Variants in DNAJB5 observed in about 807,000 individuals in gnomAD.
DNAJB5 encodes the protein DnaJ heat shock protein family (Hsp40) member B5, also known as dnaJ homolog subfamily B member 5.
Under a neutral mutation model 32.6 loss-of-function variants are expected in DNAJB5, and 12 were observed. The observed-to-expected ratio is 0.37, with a 90% CI of 0.24 to 0.60. The LOEUF (loss-of-function observed/expected upper bound fraction) is 0.60. Among genes scored for constraint, DNAJB5 ranks in the 20% least tolerant of loss-of-function variants. The pLI is 0.71. For synonymous variants in DNAJB5, 188 were observed against 212.9 expected (o/e 0.88, Z 1.02); for missense variants, 358 against 554.2 (o/e 0.65, Z 3.55).
At chr9:34,994,564 G>A (rs1827740954) in intron 3 of DNAJB5, among the ~76,000 whole-genome samples, 1 of 152,206 alleles carries the variant, frequency 6.6e-6, no homozygotes, top group South Asian at 2.1e-4. Context: ...AGGGATAGGA[G>A]TGGAAAAGAG....
chr9:34,996,808 C>A lies in DNAJB5; in HGVS notation c.971C>A (p.Ala324Glu). The A allele has an allele frequency of 6.2e-7, 1 of 1,613,820 alleles. No individual in the cohort carries two copies. The highest frequency in any genetic ancestry group is 8.5e-7 in the Non-Finnish European group (1 of 1,179,984). Residue 324 changes from alanine to glutamate, a missense_variant, in exon 4 of 5, where the codon GCA becomes GAA. Physicochemically the swap from Ala to Glu is moderately radical, Grantham distance 107 (BLOSUM62 -1). Transcript: ENST00000682809. The surrounding 1 kb of genome is among the most constrained non-coding windows in gnomAD (Gnocchi z 7.2). ...IVFVLKDKPH[A>E]HFRRDGTNVL... is the part of the protein sequence containing the mutation. ...TTTGTGCTCAAAGACAAGCCCCATGCACACTTCCGCCGAGATGGCACCAAC... is the reference window on the plus strand; with the variant it reads ...TTTGTGCTCAAAGACAAGCCCCATGAACACTTCCGCCGAGATGGCACCAAC...
Position 34,990,448 on chromosome 9 carries a change from G to C in DNAJB5, c.-132-51G>C, listed in dbSNP as rs577906199. ...GCCAGCCAGACACTGCTGCACCTGA[G>C]AGCAGGTGGCCGCGGGTCTTCTCCC... On this transcript the variant is annotated intron_variant, in intron 1 of 4. Transcript: ENST00000682809. This position sits in a 1 kb window ranked among gnomAD's most constrained non-coding sequence, Gnocchi z 4.5. 2.6e-5 allele frequency: 40 copies of C among 1,534,206 alleles called. No individual in the cohort carries two copies. The African/African-American group carries it at 4.7e-4, about 18-fold the overall frequency.
chr9:34,997,407 G>C lies in DNAJB5; in HGVS notation c.*148G>C, dbSNP rs1411386666. 26 of 911,150 alleles carry C rather than the reference G, an allele frequency of 2.9e-5. No homozygotes were observed. Among genetic ancestry groups the C allele is most frequent in the Non-Finnish European group, 4.5e-5 (26 of 572,564 alleles). The allele number at this position is 911,150 out of a possible 1,614,324, so 56.4% of individuals were successfully genotyped here. A position where few individuals can be genotyped will look rare whatever the true frequency, so the allele number is the denominator to read the frequency against. On this transcript the variant is annotated 3_prime_UTR_variant, in exon 5 of 5. Transcript: ENST00000682809. This position sits in a 1 kb window ranked among gnomAD's most constrained non-coding sequence, Gnocchi z 4.1. ...CACTGGTTTTCAGGAAAATGTTCCTGTCCCTGACCCCTTTTAGAGCTGGGC... is the reference window on the plus strand; with the variant it reads ...CACTGGTTTTCAGGAAAATGTTCCTCTCCCTGACCCCTTTTAGAGCTGGGC...
rs903008574 is a variant in DNAJB5, at chr9:34,990,747, G to T, written c.117G>T (p.Met39Ile). ...GAGAAGACTTCTTAGCCAGCTTGAT[G>T]TTTAAAATTCAGCTGGAGCCCTTAA... is the stretch of plus-strand genomic sequence containing the variant. ...SWGEDFLASLMFKIQLEPLKL... is the reference protein window; with the variant it reads ...SWGEDFLASLIFKIQLEPLKL... The change falls in exon 2 of 5, where the codon ATG becomes ATT. Residue 39 changes from methionine (M) to isoleucine (I), a missense_variant. This residue lies in a region of DNAJB5 where 110 missense variants were observed against 111.7 expected (regional missense o/e 0.99). Coordinates refer to ENST00000682809, the MANE Select transcript of DNAJB5 (RefSeq NM_001349723.3). The surrounding 1 kb of genome is among the most constrained non-coding windows in gnomAD (Gnocchi z 4.5). The T allele has an allele frequency of 2.8e-5, 43 of 1,551,742 alleles. No individual in the cohort carries two copies. The highest frequency in any genetic ancestry group is 3.7e-5 in the Non-Finnish European group (43 of 1,147,006).
intron 2 of DNAJB5, chr9:34,991,070 A>C: frequency 1.1e-5 from 6 of 527,148 alleles, no homozygotes; most frequent in East Asian, 3.4e-5. Flanking sequence ...CTTTCAACCC[A>C]TCATTAACCC....
At chr9:34,991,254 G>C (rs186814071) in intron 2 of DNAJB5, 35 of 456,304 alleles carry the variant, frequency 7.7e-5, no homozygotes, top group Admixed American at 6.8e-4. Context: ...ATCAAAGGCA[G>C]TGCCATGCCA....
Position 34,990,079 on chromosome 9 carries a change from T to C in DNAJB5, c.-133+248T>C, listed in dbSNP as rs953638058. On this transcript the variant is annotated intron_variant, in intron 1 of 4. Transcript: ENST00000682809. The surrounding 1 kb of genome is among the most constrained non-coding windows in gnomAD (Gnocchi z 4.5). ...AGTCGGACCGGACCAGATTGGGTTC[T>C]GTGGGGCGGAGGCATCTGTGAGCAG... The C allele has an allele frequency of 1.7e-5, 12 of 713,494 alleles. No homozygotes were observed. Among genetic ancestry groups the C allele is most frequent in the South Asian group, 1.2e-4 (6 of 52,070 alleles). The allele number at this position is 713,494 out of a possible 1,614,324, so 44.2% of individuals were successfully genotyped here.
Position 34,993,530 on chromosome 9 carries a change from G to C in DNAJB5, c.427+86G>C, listed in dbSNP as rs1228349242. The C allele has an allele frequency of 3.3e-6, 5 of 1,516,420 alleles. No individual in the cohort carries two copies. The highest frequency in any genetic ancestry group is 1.4e-5 in the African/African-American group (1 of 71,504). 93.9% of individuals were successfully genotyped at this position (1,516,420 alleles called of 1,614,324 possible). On this transcript the variant is annotated intron_variant, in intron 3 of 4. Coordinates refer to ENST00000682809, the MANE Select transcript of DNAJB5 (RefSeq NM_001349723.3). This position sits in a 1 kb window ranked among gnomAD's most constrained non-coding sequence, Gnocchi z 4.7. ...CACCAGTTTGTGTAGCGGGGAACTGGAGGCTGTGGAGGGGGTGAGGGCAGC... is the reference window on the plus strand; with the variant it reads ...CACCAGTTTGTGTAGCGGGGAACTGCAGGCTGTGGAGGGGGTGAGGGCAGC...
rs370890941 is a variant in DNAJB5, at chr9:34,996,806, T to C, written c.969T>C (p.His323=). 3.7e-6 allele frequency: 6 copies of C among 1,613,900 alleles called. No individual in the cohort carries two copies. Among genetic ancestry groups the C allele is most frequent in the Non-Finnish European group, 5.1e-6 (6 of 1,180,008 alleles). ...DIVFVLKDKP[H]AHFRRDGTNV... ...TCTTTGTGCTCAAAGACAAGCCCCA[T>C]GCACACTTCCGCCGAGATGGCACCA... is the stretch of plus-strand genomic sequence containing the variant. Residue 323 remains histidine (H), a synonymous_variant, in exon 4 of 5, where the codon CAT becomes CAC. Transcript: ENST00000682809. This position sits in a 1 kb window ranked among gnomAD's most constrained non-coding sequence, Gnocchi z 7.2.
chr9:34,992,997 A>C, intron 2 of DNAJB5: 1 of 1,411,606 alleles, frequency 7.1e-7, no homozygotes, highest in Non-Finnish European at 9.2e-7. Context: ...GTGAGGACGG[A>C]ATCACAGAAT....
At chr9:34,992,788 TAGG>T (rs1274020628) in intron 2 of DNAJB5, 29 of 1,019,850 alleles carry the variant, frequency 2.8e-5, no homozygotes, top group Non-Finnish European at 2.9e-5. Flanking sequence ...AGGCGTGGCG[TAGG>T]AGACCACGAT....
rs1827610852 is a variant in DNAJB5, at chr9:34,990,930, A to G, written c.182+118A>G. ...CATCCTCATCCCCTCTGTGACATACAGGAACCCCCCTCCGGCCTCACCCAC... is the reference window on the plus strand; with the variant it reads ...CATCCTCATCCCCTCTGTGACATACGGGAACCCCCCTCCGGCCTCACCCAC... On this transcript the variant is annotated intron_variant, in intron 2 of 4. Coordinates refer to ENST00000682809, the MANE Select transcript of DNAJB5 (RefSeq NM_001349723.3). The surrounding 1 kb of genome is among the most constrained non-coding windows in gnomAD (Gnocchi z 4.5). The G allele has an allele frequency of 1.1e-5, 12 of 1,076,086 alleles. No homozygotes were observed. The South Asian group carries it at 1.6e-4, about 15-fold the overall frequency. The allele number at this position is 1,076,086 out of a possible 1,614,324, so 66.7% of individuals were successfully genotyped here.
At position 34,996,404 on chromosome 9, in the gene DNAJB5, C is replaced by G. The variant is rs1563951606; in HGVS notation, c.567C>G (p.Ser189=). The G allele has an allele frequency of 6.2e-7, 1 of 1,614,180 alleles. No homozygotes were observed. The highest frequency in any genetic ancestry group is 8.5e-7 in the Non-Finnish European group (1 of 1,180,024). Residue 189 remains serine, a synonymous_variant, in exon 4 of 5, where the codon TCC becomes TCG. Coordinates refer to ENST00000682809, the MANE Select transcript of DNAJB5 (RefSeq NM_001349723.3). This position sits in a 1 kb window ranked among gnomAD's most constrained non-coding sequence, Gnocchi z 7.2. ...PFDIFFASSR[S]TRPFSGFDPD... ...ATATCTTCTTTGCCAGCAGCCGCTC[C>G]ACTCGGCCCTTCAGTGGCTTTGACC...
At chr9:34,995,277 G>A (rs1368184960) in intron 3 of DNAJB5, among the ~76,000 whole-genome samples, 1 of 152,106 alleles carries the variant, frequency 6.6e-6, no homozygotes. Context: ...AAAGAGAAGG[G>A]TCTCTTTCCT....
At chr9:34,991,526 C>T (rs1240975196) in intron 2 of DNAJB5, 7 of 442,046 alleles carry the variant, frequency 1.6e-5, no homozygotes, top group African/African-American at 1.2e-4. Context: ...AAGCTGCTCT[C>T]GTTCTCTAGG....
intron 3 of DNAJB5, among the ~76,000 whole-genome samples, chr9:34,994,574 G>C (rs1293175419): frequency 6.6e-6 from 1 of 152,200 alleles, no homozygotes; most frequent in Non-Finnish European, 1.5e-5. Context: ...GTGGAAAAGA[G>C]GGAAGCAGTG....
Position 34,990,315 on chromosome 9 carries a change from C to A in DNAJB5, c.-132-184C>A. 2 of 1,442,408 alleles carry A rather than the reference C, an allele frequency of 1.4e-6. No individual in the cohort carries two copies. The highest frequency in any genetic ancestry group is 2.1e-5 in the Admixed American group (1 of 48,026). 89.4% of individuals were successfully genotyped at this position (1,442,408 alleles called of 1,614,324 possible). A position where few individuals can be genotyped will look rare whatever the true frequency, so the allele number is the denominator to read the frequency against. On this transcript the variant is annotated intron_variant, in intron 1 of 4. Transcript: ENST00000682809. The surrounding 1 kb of genome is among the most constrained non-coding windows in gnomAD (Gnocchi z 4.5). ...AGTGAGAGGCGACAGGAGCTCACTG[C>A]CTCTCGGGCCCTCACAATCACACCT...
rs1019117228 is a variant in DNAJB5, at chr9:34,990,585, A to G, written c.-46A>G. 5 of 1,551,130 alleles carry G rather than the reference A, an allele frequency of 3.2e-6. No homozygotes were observed. The African/African-American group carries it at 6.8e-5, about 21-fold the overall frequency. ...GTGGCTTCCAGAGCTGCAGCACTTC[A>G]GGCCGGCTCCGGTGGAGCGATCAGA... On this transcript the variant is annotated 5_prime_UTR_variant, in exon 2 of 5. Transcript: ENST00000682809. This position sits in a 1 kb window ranked among gnomAD's most constrained non-coding sequence, Gnocchi z 4.5.
chr9:34,993,555 C>G lies in DNAJB5; in HGVS notation c.427+111C>G. ...GAGGCTGTGGAGGGGGTGAGGGCAG[C>G]AAGGGTTTCCAGCACTGTCACCCAG... is the stretch of plus-strand genomic sequence containing the variant. On this transcript the variant is annotated intron_variant, in intron 3 of 4. Coordinates refer to ENST00000682809, the MANE Select transcript of DNAJB5 (RefSeq NM_001349723.3). The surrounding 1 kb of genome is among the most constrained non-coding windows in gnomAD (Gnocchi z 4.7). 1 of 1,413,768 alleles carries G rather than the reference C, an allele frequency of 7.1e-7. No individual in the cohort carries two copies. The highest frequency in any genetic ancestry group is 9.5e-7 in the Non-Finnish European group (1 of 1,050,820). The allele number at this position is 1,413,768 out of a possible 1,614,324, so 87.6% of individuals were successfully genotyped here.
Sources: gnomAD v4.1 joint callset for allele counts (sites outside exome capture counted in the v4.1 genomes callset) on GRCh38, gnomAD v4.1.1 for gene constraint, gnomAD v4.1.1 regional missense constraint, Gnocchi (gnomAD v3.1) non-coding constraint, MANE v1.5 for transcripts, NCBI Gene and HGNC (gene_info 2026-07-23, HGNC 2026-07-21) for gene names.